GPR176: variants seen among roughly 807,000 people sequenced by gnomAD.
GPR176 encodes G-protein coupled receptor 176.
Under a neutral mutation model 35.4 loss-of-function variants are expected in GPR176, and 26 were observed. The ratio of observed to expected loss-of-function variants is 0.74; its 90% confidence interval spans 0.54 to 1.02. GPR176 has a LOEUF of 1.02. GPR176 is among the 50% of genes least tolerant of loss of function. The pLI, the probability that GPR176 is intolerant of heterozygous loss-of-function variation, is 0.00. For synonymous variants in GPR176, 278 were observed against 271.3 expected, an observed-to-expected ratio of 1.02 and a Z score of -0.24; for missense variants, 597 against 665.3, an observed-to-expected ratio of 0.90 and a Z score of 1.13.
chr15:39,898,668 T>C (rs1031712476), intron 1 of GPR176, among the ~76,000 whole-genome samples: 3 of 152,138 alleles, frequency 2.0e-5, no homozygotes, highest in Admixed American at 6.5e-5. Context: ...ACAGGAGCCA[T>C]GTAGGGGATG....
chr15:39,821,017 C>T (rs1440380311), intron 1 of GPR176, among the ~76,000 whole-genome samples: 1 of 152,208 alleles, frequency 6.6e-6, no homozygotes, highest in Non-Finnish European at 1.5e-5. Flanking sequence ...ATTTTCTAAG[C>T]ATCCAAGATT....
chr15:39,838,618 GA>G (rs1901553959), intron 1 of GPR176, among the ~76,000 whole-genome samples: 1 of 152,086 alleles, frequency 6.6e-6, no homozygotes, highest in Non-Finnish European at 1.5e-5. Context: ...AAAGGCCTTT[GA>G]CAAAATTCAA....
In GPR176 at chr15:39,829,263, C is replaced by T. The variant is rs1323706646; in HGVS notation, c.173-22005G>A. 10 of 1,450,208 alleles carry T rather than the reference C, an allele frequency of 6.9e-6. No individual in the cohort carries two copies. In the East Asian group the frequency reaches 7.8e-5, roughly 11 times the overall value. 89.8% of individuals were successfully genotyped at this position (1,450,208 alleles called of 1,614,324 possible). On this transcript the variant is annotated intron_variant, in intron 1 of 2. Coordinates refer to ENST00000561100, the MANE Select transcript of GPR176 (RefSeq NM_007223.3). ...TGTCGCTGGAAAAGCCACTTGGACT[C>T]GGGCATCAGAATGGATCAGGGAAAG...
intron 1 of GPR176, among the ~76,000 whole-genome samples, chr15:39,889,650 TA>T (rs1187023489): frequency 6.6e-6 from 1 of 152,082 alleles, no homozygotes; most frequent in Non-Finnish European, 1.5e-5. Flanking sequence ...ACCTTGACTC[TA>T]ACTGTCCCAA....
intron 1 of GPR176, chr15:39,829,111 C>A (rs776098136): frequency 4.5e-5 from 59 of 1,323,970 alleles, no homozygotes; most frequent in Non-Finnish European, 5.4e-5. Flanking sequence ...AGCAGTGGAG[C>A]TGGCATTCAG....
intron 1 of GPR176, among the ~76,000 whole-genome samples, chr15:39,841,935 C>T (rs2030023205): frequency 6.6e-6 from 1 of 152,098 alleles, no homozygotes; most frequent in Admixed American, 6.6e-5. Context: ...CAACTTAATA[C>T]ATTAAGATTA....
At chr15:39,875,029 C>T (rs185576148) in intron 1 of GPR176, among the ~76,000 whole-genome samples, 1 of 152,186 alleles carries the variant, frequency 6.6e-6, no homozygotes, top group East Asian at 1.9e-4. Flanking sequence ...GCAACAAGAG[C>T]GAAACTCCAT....
At chr15:39,854,926 C>T (rs62002493) in intron 1 of GPR176, among the ~76,000 whole-genome samples, 29,775 of 151,792 alleles carry the variant, frequency 0.2, 3,290 homozygotes, top group Admixed American at 0.35. Context: ...TGGTGCACAC[C>T]GGTGATCCCA....
intron 1 of GPR176, among the ~76,000 whole-genome samples, chr15:39,855,915 T>C (rs539892862): frequency 1.7e-4 from 26 of 152,312 alleles, no homozygotes; most frequent in African/African-American, 6.3e-4. Context: ...TCTAACCACC[T>C]TACATATGTA....
At chr15:39,879,138 C>G (rs2032374468) in intron 1 of GPR176, among the ~76,000 whole-genome samples, 2 of 152,220 alleles carry the variant, frequency 1.3e-5, no homozygotes, top group Non-Finnish European at 2.9e-5. Flanking sequence ...ATTTTACAGA[C>G]TACTGGGCCT....
At chr15:39,819,501 GCAT>G (rs1900129021) in intron 1 of GPR176, among the ~76,000 whole-genome samples, 1 of 152,256 alleles carries the variant, frequency 6.6e-6, no homozygotes, top group South Asian at 2.1e-4. Context: ...TAACTTAACA[GCAT>G]CATCATTTTT....
At chr15:39,828,661 T>G (rs943321485) in intron 1 of GPR176, among the ~76,000 whole-genome samples, 2 of 152,160 alleles carry the variant, frequency 1.3e-5, no homozygotes, top group Admixed American at 1.3e-4. Context: ...AAAAGTGTGA[T>G]TTTCCTCTGC....
At chr15:39,867,740 G>C (rs2031887890) in intron 1 of GPR176, among the ~76,000 whole-genome samples, 1 of 152,126 alleles carries the variant, frequency 6.6e-6, no homozygotes, top group Non-Finnish European at 1.5e-5. Context: ...AGGTCAAACT[G>C]ACAGGAGAGA....
rs1477000471 is a variant in GPR176, at chr15:39,801,148, G to C, written c.1532C>G (p.Pro511Arg). 6.2e-7 allele frequency: 1 copy of C among 1,601,560 alleles called. No homozygotes were observed. Among genetic ancestry groups the C allele is most frequent in the South Asian group, 1.1e-5 (1 of 89,758 alleles). ...CAATCCTTGCTAGGAATCCACCTTTGGAAAAATGCTCACTTTATTGTTTCT... is the reference window on the plus strand; with the variant it reads ...CAATCCTTGCTAGGAATCCACCTTTCGAAAAATGCTCACTTTATTGTTTCT... ...MSRNNKVSIF[P>R]KVDS is the part of the protein sequence containing the mutation. The change falls in exon 3 of 3, where the codon CCA becomes CGA. Residue 511 changes from proline (P) to arginine (R), a missense_variant. Physicochemically the swap from Pro to Arg is moderately radical, Grantham distance 103 (BLOSUM62 -2). Around this residue, in one of 3 missense-constraint regions of GPR176, gnomAD observed 251 missense variants for 255.4 expected, o/e 0.98. Coordinates refer to ENST00000561100, the MANE Select transcript of GPR176 (RefSeq NM_007223.3).
In GPR176 at chr15:39,801,939, G is replaced by A. The variant is rs1898901328; in HGVS notation, c.741C>T (p.Thr247=). The A allele has an allele frequency of 1.2e-6, 2 of 1,613,902 alleles. No individual in the cohort carries two copies. The highest frequency in any genetic ancestry group is 2.2e-5 in the East Asian group (1 of 44,880). The part of the protein sequence containing the change: ...KKKVIIAALR[T]PQNTISIPYA... ...AGGGAATAGAGATGGTGTTCTGTGGGGTCCGGAGCGCTGCTATGATGACCT... is the reference window on the plus strand; with the variant it reads ...AGGGAATAGAGATGGTGTTCTGTGGAGTCCGGAGCGCTGCTATGATGACCT... Residue 247 remains threonine, a synonymous_variant, in exon 3 of 3, where the codon ACC becomes ACT. Coordinates refer to ENST00000561100, the MANE Select transcript of GPR176 (RefSeq NM_007223.3).
At chr15:39,818,334 G>A (rs1021048645) in intron 1 of GPR176, among the ~76,000 whole-genome samples, 1 of 152,194 alleles carries the variant, frequency 6.6e-6, no homozygotes, top group African/African-American at 2.4e-5. Flanking sequence ...AAACTAAGCA[G>A]GAGTTGAATT....
chr15:39,831,753 A>G (rs1163521147), intron 1 of GPR176, among the ~76,000 whole-genome samples: 5 of 151,956 alleles, frequency 3.3e-5, no homozygotes, highest in African/African-American at 7.3e-5. Flanking sequence ...CAGTGGCCCA[A>G]TATCTCTCAG....
chr15:39,907,874 A>T (rs1464772594), intron 1 of GPR176, among the ~76,000 whole-genome samples: 1 of 152,188 alleles, frequency 6.6e-6, no homozygotes, highest in Non-Finnish European at 1.5e-5. Flanking sequence ...AATCCCAGCT[A>T]CTCAGGAGGC....
At chr15:39,837,092 G>A (rs893301893) in intron 1 of GPR176, among the ~76,000 whole-genome samples, 18 of 152,130 alleles carry the variant, frequency 1.2e-4, no homozygotes, top group Non-Finnish European at 2.1e-4. Flanking sequence ...TCAGTCTAGG[G>A]AAGGACTTTC....
Sources: allele counts gnomAD v4.1 joint callset (sites outside exome capture counted in the v4.1 genomes callset), GRCh38; gene constraint gnomAD v4.1.1; regional missense constraint gnomAD v4.1.1; transcripts MANE v1.5; gene names NCBI Gene and HGNC (gene_info 2026-07-23, HGNC 2026-07-21).